The following FAM177B variants were observed in gnomAD, a reference collection of about 807,000 sequenced individuals.
FAM177B encodes the protein protein FAM177B.
A neutral mutation model predicts 16.1 loss-of-function variants in FAM177B; 16 were observed. That is an observed-to-expected ratio of 0.99 (90% CI 0.67 to 1.51). FAM177B has a LOEUF of 1.51. FAM177B is among the 40% of genes most tolerant of loss of function. The pLI is 0.00. For missense variants in FAM177B, 178 were observed against 183.7 expected, an observed-to-expected ratio of 0.97 and a Z score of 0.18; for synonymous variants, 56 against 59.9, an observed-to-expected ratio of 0.93 and a Z score of 0.30.
chr1:222,740,112 C>G (rs552363989), intron 2 of FAM177B, among the ~76,000 whole-genome samples: 1 of 152,174 alleles, frequency 6.6e-6, no homozygotes, highest in Admixed American at 6.5e-5. Flanking sequence ...AGGGCAGATA[C>G]CACATCACCT....
At chr1:222,749,021 T>G (rs1396533352) in intron 4 of FAM177B, 1 of 472,080 alleles carries the variant, frequency 2.1e-6, no homozygotes, top group East Asian at 6.9e-5. Context: ...AAACAACTTC[T>G]GAGAAGTCTG....
At chr1:222,738,448 G>A (rs1162898236) in intron 2 of FAM177B, among the ~76,000 whole-genome samples, 3 of 151,358 alleles carry the variant, frequency 2.0e-5, no homozygotes, top group South Asian at 2.1e-4. Context: ...GCCGGGCGCA[G>A]TGGCTCATGC....
In FAM177B at chr1:222,737,887, A is replaced by G. The variant is rs1658354084; in HGVS notation, c.-133-17A>G. Reference sequence around the variant, plus strand: ...AAAAGTATGATTCCAGAAATATCCAAGACAATTTCCTGGCAGATTTGATGT... The same window carrying G: ...AAAAGTATGATTCCAGAAATATCCAGGACAATTTCCTGGCAGATTTGATGT... On this transcript the variant is annotated splice_polypyrimidine_tract_variant and intron_variant, in intron 1 of 5. Transcript: ENST00000445590. 1 of 152,184 alleles carries G rather than the reference A, an allele frequency of 6.6e-6. No homozygotes were observed. The highest frequency in any genetic ancestry group is 1.5e-5 in the Non-Finnish European group (1 of 68,074). 9.4% of individuals were successfully genotyped at this position (152,184 alleles called of 1,614,324 possible).
chr1:222,750,376 A>T lies in FAM177B; in HGVS notation c.*318A>T. 9.5e-7 allele frequency: 1 copy of T among 1,056,834 alleles called. No individual in the cohort carries two copies. Among genetic ancestry groups the T allele is most frequent in the Non-Finnish European group, 1.1e-6 (1 of 877,448 alleles). The allele number at this position is 1,056,834 out of a possible 1,614,324, so 65.5% of individuals were successfully genotyped here. On this transcript the variant is annotated 3_prime_UTR_variant, in exon 6 of 6. Coordinates refer to ENST00000445590, the MANE Select transcript of FAM177B (RefSeq NM_001394345.1). ...CACAGTAGCATAAATGCCTTAAGGA[A>T]CTTTGGGACTGGGAGTTTTTGGCTG...
intron 2 of FAM177B, 58 bp downstream of exon 2, chr1:222,738,079 T>A (rs752449145): frequency 1.3e-5 from 2 of 152,146 alleles, no homozygotes; most frequent in African/African-American, 2.4e-5. Context: ...ACTGAAAGCA[T>A]GAGCAAAGAT....
intron 4 of FAM177B, chr1:222,748,919 T>C (rs1658921143): frequency 2.4e-6 from 1 of 411,900 alleles, no homozygotes; most frequent in Non-Finnish European, 4.9e-6. Context: ...AAACCACTCA[T>C]TATTCATGCT....
At position 222,745,854 on chromosome 1, in the gene FAM177B, C is replaced by T. The variant is rs777460307; in HGVS notation, c.-15-677C>T. Among the ~76,000 whole-genome samples, 34 of 152,182 alleles carry T rather than the reference C, an allele frequency of 2.2e-4. 1 individual carries two copies. The highest frequency in any genetic ancestry group is 4.8e-4 in the African/African-American group (20 of 41,518). On this transcript the variant is annotated intron_variant, in intron 2 of 5. Coordinates refer to ENST00000445590, the MANE Select transcript of FAM177B (RefSeq NM_001394345.1). ...ACTTGAACCCAGGAGGCAGAGGTTG[C>T]GGTGAGCCGAGATCACGCCATTGCA...
At position 222,747,262 on chromosome 1, in the gene FAM177B, C is replaced by G; in HGVS notation, c.241+181C>G. On this transcript the variant is annotated intron_variant, in intron 4 of 5. Coordinates refer to ENST00000445590, the MANE Select transcript of FAM177B (RefSeq NM_001394345.1). ...TCGCATCCTCAGGCAGACCCTTCATCTTTTACCAACTCTCATCAGGAAATT... is the reference window on the plus strand; with the variant it reads ...TCGCATCCTCAGGCAGACCCTTCATGTTTTACCAACTCTCATCAGGAAATT... The G allele has an allele frequency of 1.6e-5, 9 of 553,228 alleles. No individual in the cohort carries two copies. In the South Asian group the frequency reaches 1.8e-4, roughly 11 times the overall value. The allele number at this position is 553,228 out of a possible 1,614,324, so 34.3% of individuals were successfully genotyped here. A position where few individuals can be genotyped will look rare whatever the true frequency, so the allele number is the denominator to read the frequency against.
At chr1:222,749,334 G>A (rs750333295) in intron 4 of FAM177B, 131 bp from the exon 5 acceptor site, 2 of 572,256 alleles carry the variant, frequency 3.5e-6, no homozygotes, top group Non-Finnish European at 3.1e-6. Context: ...TGTTTTGTCA[G>A]CCTTGAAGTT....
chr1:222,740,576 A>G (rs1335438095), intron 2 of FAM177B, among the ~76,000 whole-genome samples: 1 of 152,200 alleles, frequency 6.6e-6, no homozygotes, highest in African/African-American at 2.4e-5. Context: ...TTCACAACGT[A>G]TCTTATCCAG....
rs1658356708 is a variant in FAM177B at position 222,737,970 on chromosome 1, G to C, written c.-67G>C. 1 of 152,242 alleles carries C rather than the reference G, an allele frequency of 6.6e-6. No individual in the cohort carries two copies. Among genetic ancestry groups the C allele is most frequent in the Non-Finnish European group, 1.5e-5 (1 of 68,072 alleles). The allele number at this position is 152,242 out of a possible 1,614,324, so 9.4% of individuals were successfully genotyped here. ...TTAGTGTTGTTGGCCTGAGCAACTG[G>C]AAGAACAGAGTTGCCATTTATTGAG... On this transcript the variant is annotated 5_prime_UTR_variant, in exon 2 of 6. Coordinates refer to ENST00000445590, the MANE Select transcript of FAM177B (RefSeq NM_001394345.1).
At chr1:222,739,808 TGAAA>T (rs1658443739) in intron 2 of FAM177B, 1 of 152,214 alleles carries the variant, frequency 6.6e-6, no homozygotes, top group African/African-American at 2.4e-5. Context: ...CACTAATTAA[TGAAA>T]GAAAAATACA....
chr1:222,741,195 A>T (rs1658515865), intron 2 of FAM177B, among the ~76,000 whole-genome samples: 2 of 150,902 alleles, frequency 1.3e-5, no homozygotes, highest in South Asian at 4.2e-4. Context: ...AGTAGCTGCG[A>T]CTACAGGCAC....
At chr1:222,744,331 G>C (rs1203839522) in intron 2 of FAM177B, among the ~76,000 whole-genome samples, 4 of 152,038 alleles carry the variant, frequency 2.6e-5, no homozygotes, top group African/African-American at 9.7e-5. Flanking sequence ...AGTTAGCCGG[G>C]GGTGGTGGTG....
intron 2 of FAM177B, among the ~76,000 whole-genome samples, chr1:222,743,645 C>T (rs1311759045): frequency 7.9e-5 from 12 of 152,106 alleles, no homozygotes; most frequent in African/African-American, 1.2e-4. Context: ...GTGGTACTGG[C>T]GGGGGTTTCC....
chr1:222,743,498 T>G (rs568343572), intron 2 of FAM177B, among the ~76,000 whole-genome samples: 1 of 152,088 alleles, frequency 6.6e-6, no homozygotes, highest in Admixed American at 6.5e-5. Context: ...CCCTGTCTTG[T>G]TGAATTATTC....
chr1:222,738,812 A>G (rs998688832), intron 2 of FAM177B, among the ~76,000 whole-genome samples: 5 of 152,220 alleles, frequency 3.3e-5, no homozygotes, highest in Admixed American at 2.6e-4. Flanking sequence ...CCTCTGTGTG[A>G]CATGTACCGA....
Position 222,745,458 on chromosome 1 carries a change from T to A in FAM177B, c.-15-1073T>A, listed in dbSNP as rs189499950. ...GAGACCCCATCTCTATAAAAAAAAA[T>A]TTTTTTTAATTAGCCAGGCTTGGTG... On this transcript the variant is annotated intron_variant, in intron 2 of 5. Transcript: ENST00000445590. Among the ~76,000 whole-genome samples the A allele has an allele frequency of 2.5e-3, 384 of 150,664 alleles. 14 individuals carry two copies. The East Asian group carries it at 0.055, about 21-fold the overall frequency.
At chr1:222,741,920 C>CTT (rs1288455946) in intron 2 of FAM177B, among the ~76,000 whole-genome samples, 1 of 104,084 alleles carries the variant, frequency 9.6e-6, no homozygotes, top group Non-Finnish European at 1.8e-5. Context: ...CTCTCTCTCT[C>CTT]TCTCTCTCTC....
Sources: allele counts gnomAD v4.1 joint callset (sites outside exome capture counted in the v4.1 genomes callset), GRCh38; gene constraint gnomAD v4.1.1; transcripts MANE v1.5; gene names NCBI Gene and HGNC (gene_info 2026-07-23, HGNC 2026-07-21).